ERI1: variants seen among roughly 807,000 people sequenced by gnomAD.
The protein encoded by ERI1 is exoribonuclease 1, also known as 3'-5' exoribonuclease 1.
A neutral mutation model predicts 39.7 loss-of-function variants in ERI1; 39 were observed. The observed-to-expected ratio is 0.98, with a 90% confidence interval of 0.76 to 1.28. The LOEUF (loss-of-function observed/expected upper bound fraction) is 1.28, where lower values mean the gene tolerates loss of function less well. Ranked by LOEUF, ERI1 falls within the 50% of genes most tolerant of loss-of-function variation. The pLI is 0.00. For missense variants in ERI1, 581 were observed against 416.9 expected (o/e 1.39, Z -3.43); for synonymous variants, 204 against 149.6 (o/e 1.36, Z -2.65).
chr8:9,004,726 G>A (rs1172418968), intron 1 of ERI1, among the ~76,000 whole-genome samples: 1 of 121,768 alleles, frequency 8.2e-6, no homozygotes, highest in Non-Finnish European at 1.7e-5. Flanking sequence ...CGTTCTTGTT[G>A]CCCAGTCTGG....
chr8:9,016,219 G>C, intron 3 of ERI1, 103 bp from the exon 4 acceptor site: 1 of 544,092 alleles, frequency 1.8e-6, no homozygotes, highest in Non-Finnish European at 3.3e-6. Context: ...TATGCCGTGA[G>C]ATCCTATGAA....
At chr8:9,035,547 A>G (rs1199048978), downstream of ERI1, among the ~76,000 whole-genome samples, 1 of 152,070 alleles carries the variant, frequency 6.6e-6, no homozygotes, top group Non-Finnish European at 1.5e-5. Flanking sequence ...TGCTGTTGAG[A>G]CTTAGTGCTC....
chr8:9,031,784 G>T lies in ERI1; in HGVS notation c.*1750G>T, dbSNP rs1395599250. On this transcript the variant is annotated 3_prime_UTR_variant, in exon 7 of 7. Coordinates refer to ENST00000250263, the MANE Select transcript of ERI1 (RefSeq NM_153332.4). ...TGTTGTTGTTGTTGTTTGAGACAGA[G>T]TTTTTGCTCGTCTGCCAGGATGGAG... 2.6e-5 allele frequency: 4 copies of T among 152,218 alleles called. No individual in the cohort carries two copies. The East Asian group carries it at 7.7e-4, about 29-fold the overall frequency. The allele number at this position is 152,218 out of a possible 1,614,324, so 9.4% of individuals were successfully genotyped here. A position where few individuals can be genotyped will look rare whatever the true frequency, so the allele number is the denominator to read the frequency against.
intron 2 of ERI1, among the ~76,000 whole-genome samples, chr8:9,008,516 A>G (rs1028361258): frequency 1.2e-4 from 18 of 152,224 alleles, no homozygotes; most frequent in African/African-American, 4.3e-4. Context: ...TTTTATAAAA[A>G]GAGTTTGTTT....
At chr8:9,044,369 G>T (rs147215013) in intron 3 of ERI1, among the ~76,000 whole-genome samples, 7 of 152,250 alleles carry the variant, frequency 4.6e-5, no homozygotes, top group African/African-American at 1.2e-4. Context: ...TGACTTTGGT[G>T]TGGGAATCAG....
chr8:9,084,236 G>A (rs1388618592), intron 3 of ERI1, among the ~76,000 whole-genome samples: 1 of 152,096 alleles, frequency 6.6e-6, no homozygotes, highest in Non-Finnish European at 1.5e-5. Context: ...CTGCTTTCCA[G>A]CCTGGGAAAC....
At chr8:9,023,577 A>G (rs1267246484) in intron 6 of ERI1, among the ~76,000 whole-genome samples, 1 of 152,000 alleles carries the variant, frequency 6.6e-6, no homozygotes, top group African/African-American at 2.4e-5. Flanking sequence ...CCAGTTTGTT[A>G]GCCTGCTCTT....
intron 1 of ERI1, chr8:9,004,092 G>T: frequency 7.8e-7 from 1 of 1,289,222 alleles, no homozygotes; most frequent in Non-Finnish European, 1.0e-6. Flanking sequence ...GCTGCCTTGT[G>T]TTCTTTGACA....
intron 3 of ERI1, among the ~76,000 whole-genome samples, chr8:9,040,951 A>G (rs781289401): frequency 6.6e-6 from 1 of 152,160 alleles, no homozygotes; most frequent in African/African-American, 2.4e-5. Context: ...ACCTCGGTCT[A>G]GTGCTTACTC....
chr8:9,055,610 G>T lies in ERI1; in HGVS notation n.299+35146G>T, dbSNP rs570284589. The stretch of plus-strand genomic sequence containing the variant: ...ACTGGAGTGCAGTGGTGCGATCTCG[G>T]CTCACTGCAACCTCTGCCTCCCTGG... On this transcript the variant is annotated intron_variant and non_coding_transcript_variant, in intron 3 of 3. Coordinates refer to the ERI1 transcript ENST00000518663. Among the ~76,000 whole-genome samples, 130 of 152,260 alleles carry T rather than the reference G, an allele frequency of 8.5e-4. 1 individual carries two copies. The South Asian group carries it at 0.027, about 31-fold the overall frequency.
chr8:9,067,977 C>T (rs536877919), intron 3 of ERI1, among the ~76,000 whole-genome samples: 1 of 152,020 alleles, frequency 6.6e-6, no homozygotes, highest in South Asian at 2.1e-4. Flanking sequence ...TATTATATAA[C>T]ATTCTTTCCT....
intron 6 of ERI1, among the ~76,000 whole-genome samples, chr8:9,023,153 T>G (rs549698078): frequency 6.6e-6 from 1 of 152,330 alleles, no homozygotes; most frequent in East Asian, 1.9e-4. Flanking sequence ...TGTTAATACA[T>G]CTCTTTAGTT....
At chr8:9,046,886 G>C (rs1289030459) in intron 3 of ERI1, among the ~76,000 whole-genome samples, 1 of 152,182 alleles carries the variant, frequency 6.6e-6, no homozygotes, top group East Asian at 1.9e-4. Flanking sequence ...ATGAGCTCCA[G>C]GCAGAGCCAA....
chr8:9,003,112 G>A lies in ERI1; in HGVS notation c.49G>A (p.Ala17Thr). 1.6e-6 allele frequency: 2 copies of A among 1,245,698 alleles called. No individual in the cohort carries two copies. The highest frequency in any genetic ancestry group is 2.0e-6 in the Non-Finnish European group (2 of 989,574). 77.2% of individuals were successfully genotyped at this position (1,245,698 alleles called of 1,614,324 possible). A position where few individuals can be genotyped will look rare whatever the true frequency, so the allele number is the denominator to read the frequency against. Residue 17 changes from alanine to threonine, a missense_variant, in exon 1 of 7, where the codon GCG (alanine) becomes ACG (threonine). By Grantham distance (58) the Ala-to-Thr change is moderately conservative. Coordinates refer to ENST00000250263, the MANE Select transcript of ERI1 (RefSeq NM_153332.4). ...KEPAGEAVAL[A>T]LLESPRPEGG... ...GCCTGCCGGCGAGGCCGTGGCTCTCGCGCTGCTGGAGTCGCCGCGGCCGGA... is the reference window on the plus strand; with the variant it reads ...GCCTGCCGGCGAGGCCGTGGCTCTCACGCTGCTGGAGTCGCCGCGGCCGGA...
chr8:9,062,094 A>G (rs1239256968), intron 3 of ERI1, among the ~76,000 whole-genome samples: 4 of 152,138 alleles, frequency 2.6e-5, no homozygotes, highest in Non-Finnish European at 5.9e-5. Flanking sequence ...GGGGAATTGT[A>G]AGGGGAGTTT....
intron 3 of ERI1, among the ~76,000 whole-genome samples, chr8:9,074,838 G>A (rs990866135): frequency 6.6e-6 from 1 of 152,136 alleles, no homozygotes; most frequent in African/African-American, 2.4e-5. Flanking sequence ...AGAGCACATC[G>A]TCCTCTTAGG....
At position 9,002,970 on chromosome 8, in the gene ERI1, T is replaced by A. The variant is rs1026933391; in HGVS notation, c.-94T>A. ...GCCGCGGGAACGCGAGCCCGGTAAT[T>A]TTTCAACGGAGAAAGGCGAGGCTTT... On this transcript the variant is annotated 5_prime_UTR_variant, in exon 1 of 7. Coordinates refer to ENST00000250263, the MANE Select transcript of ERI1 (RefSeq NM_153332.4). 1 of 940,978 alleles carries A rather than the reference T, an allele frequency of 1.1e-6. No individual in the cohort carries two copies. Among genetic ancestry groups the A allele is most frequent in the Non-Finnish European group, 1.4e-6 (1 of 718,656 alleles). 58.3% of individuals were successfully genotyped at this position (940,978 alleles called of 1,614,324 possible).
chr8:9,059,793 C>T (rs892169390), intron 3 of ERI1, among the ~76,000 whole-genome samples: 3 of 152,048 alleles, frequency 2.0e-5, no homozygotes, highest in Non-Finnish European at 2.9e-5. Context: ...ACAGTGTGAA[C>T]CGGCAGTGTA....
At chr8:9,083,211 C>T (rs115136783) in intron 3 of ERI1, among the ~76,000 whole-genome samples, 55 of 152,252 alleles carry the variant, frequency 3.6e-4, no homozygotes, top group African/African-American at 1.3e-3. Context: ...ATGACTGTGG[C>T]AATAATCCCT....
Sources: allele counts gnomAD v4.1 joint callset (sites outside exome capture counted in the v4.1 genomes callset), GRCh38; gene constraint gnomAD v4.1.1; transcripts MANE v1.5; gene names NCBI Gene and HGNC (gene_info 2026-07-23, HGNC 2026-07-21).